The following LRGUK variants were observed in gnomAD, a reference collection of about 807,000 sequenced individuals.
LRGUK encodes the protein leucine rich repeats and guanylate kinase domain containing.
A neutral mutation model predicts 76.0 loss-of-function variants in LRGUK; 65 were observed. That is an observed-to-expected ratio of 0.85 (90% CI 0.70 to 1.05). The LOEUF (loss-of-function observed/expected upper bound fraction) is 1.05. Ranked by LOEUF, LRGUK falls within the 50% of genes least tolerant of loss-of-function variation. The pLI is 0.00. For synonymous variants in LRGUK, 268 were observed against 265.6 expected, an observed-to-expected ratio of 1.01 and a Z score of -0.09; for missense variants, 758 against 732.8, an observed-to-expected ratio of 1.03 and a Z score of -0.40.
intron 18 of LRGUK, 79 bp from the exon 19 acceptor site, chr7:134,258,178 G>A (rs911510345): frequency 1.9e-6 from 3 of 1,559,840 alleles, no homozygotes; most frequent in Non-Finnish European, 8.8e-7. Flanking sequence ...ACCCAGTGAA[G>A]TCATAGGCAT....
In LRGUK at chr7:134,163,379, T is replaced by C; in HGVS notation, c.796-18T>C. 1 of 1,594,228 alleles carries C rather than the reference T, an allele frequency of 6.3e-7. No homozygotes were observed. Among genetic ancestry groups the C allele is most frequent in the Admixed American group, 1.7e-5 (1 of 58,490 alleles). ...TGAGAGGTCTTTGAGACATTAAATA[T>C]ATTTTTTTCTGTTTTAGAGCAATAA... On this transcript the variant is annotated intron_variant, in intron 6 of 15. Coordinates refer to ENST00000645682, the Ensembl canonical transcript of LRGUK.
chr7:134,179,918 G>A (rs895130664), intron 10 of LRGUK, among the ~76,000 whole-genome samples: 9 of 152,186 alleles, frequency 5.9e-5, no homozygotes, highest in Admixed American at 5.9e-4. Context: ...TCAGGATCCA[G>A]GAGAGGAACC....
chr7:134,224,283 G>T (rs1801678278), intron 16 of LRGUK, among the ~76,000 whole-genome samples: 2 of 152,224 alleles, frequency 1.3e-5, no homozygotes, highest in South Asian at 2.1e-4. Context: ...CCATTTCCCA[G>T]GTGGGCTGTC....
intron 16 of LRGUK, among the ~76,000 whole-genome samples, chr7:134,239,703 G>A (rs968031754): frequency 6.6e-6 from 1 of 152,190 alleles, no homozygotes; most frequent in African/African-American, 2.4e-5. Flanking sequence ...AGAGAGTAGT[G>A]GTTTTCCCAG....
Position 134,206,590 on chromosome 7 carries a change from A to G in LRGUK, c.1844-2117A>G, listed in dbSNP as rs180867067. On this transcript the variant is annotated intron_variant, in intron 15 of 15. Transcript: ENST00000645682. ...TATATGTGTGTATGTGTGTGTGTGT[A>G]TATATATATAGAATTGTCTTATTTT... is the stretch of plus-strand genomic sequence containing the variant. 3.7e-3 allele frequency among the ~76,000 whole-genome samples: 558 copies of G among 150,684 alleles called. 1 individual carries two copies. The highest frequency in any genetic ancestry group is 0.013 in the African/African-American group (520 of 41,282).
downstream of LRGUK, among the ~76,000 whole-genome samples, chr7:134,212,106 C>G (rs4732008): frequency 0.26 from 39,516 of 152,206 alleles, 6,426 homozygotes; most frequent in Admixed American, 0.41. Flanking sequence ...GAAGCTCCCA[C>G]TACTGTAAAG....
chr7:134,130,293 C>A (rs1057347346), intron 1 of LRGUK, among the ~76,000 whole-genome samples: 2 of 152,066 alleles, frequency 1.3e-5, no homozygotes, highest in Non-Finnish European at 2.9e-5. Flanking sequence ...AGCTTCCCCC[C>A]CCCCCCAGAG....
intron 16 of LRGUK, among the ~76,000 whole-genome samples, chr7:134,236,945 T>C (rs1161278829): frequency 1.3e-5 from 2 of 152,224 alleles, no homozygotes; most frequent in Non-Finnish European, 2.9e-5. Flanking sequence ...TTTGTAATTC[T>C]ATCATTTCAT....
At chr7:134,163,929 T>C (rs938523174) in intron 7 of LRGUK, among the ~76,000 whole-genome samples, 1 of 152,158 alleles carries the variant, frequency 6.6e-6, no homozygotes, top group Non-Finnish European at 1.5e-5. Flanking sequence ...ATCTGCCATT[T>C]AAAGAAAAGT....
intron 8 of LRGUK, among the ~76,000 whole-genome samples, chr7:134,174,954 G>A (rs182021298): frequency 8.5e-5 from 13 of 152,266 alleles, no homozygotes; most frequent in Non-Finnish European, 1.0e-4. Context: ...GTTACAGGAA[G>A]GAGGTAATAA....
chr7:134,237,432 T>G (rs1802043746), intron 16 of LRGUK, among the ~76,000 whole-genome samples: 1 of 152,176 alleles, frequency 6.6e-6, no homozygotes, highest in Non-Finnish European at 1.5e-5. Context: ...TCATTTATGG[T>G]CATTATGATC....
At chr7:134,191,279 G>GGA (rs1225047534) in intron 11 of LRGUK, among the ~76,000 whole-genome samples, 1 of 152,214 alleles carries the variant, frequency 6.6e-6, no homozygotes, top group Admixed American at 6.5e-5. Context: ...CCAGGTGGAA[G>GGA]GAGAGAAGGA....
chr7:134,183,802 G>A lies in LRGUK; in HGVS notation c.1283G>A (p.Arg428Gln), dbSNP rs375333042. 3.1e-6 allele frequency: 5 copies of A among 1,613,996 alleles called. No individual in the cohort carries two copies. Among genetic ancestry groups the A allele is most frequent in the African/African-American group, 2.7e-5 (2 of 74,908 alleles). ...GCTGGTCCTGAAGCTTGTGGGAAACGAGAGCTTGCCCATCGCCTCTGCAGA... is the reference window on the plus strand; with the variant it reads ...GCTGGTCCTGAAGCTTGTGGGAAACAAGAGCTTGCCCATCGCCTCTGCAGA... The change falls in exon 11 of 16, where the codon CGA becomes CAA. Residue 428 changes from arginine (R) to glutamine (Q), a missense_variant. Transcript: ENST00000645682.
At chr7:134,236,878 T>C (rs538841249) in intron 16 of LRGUK, among the ~76,000 whole-genome samples, 1 of 152,288 alleles carries the variant, frequency 6.6e-6, no homozygotes, top group Non-Finnish European at 1.5e-5. Flanking sequence ...TGTTATTATA[T>C]TAGCTGTTGT....
chr7:134,164,372 A>C (rs1798884178), intron 7 of LRGUK, among the ~76,000 whole-genome samples: 1 of 152,170 alleles, frequency 6.6e-6, no homozygotes, highest in Admixed American at 6.5e-5. Context: ...TGGCTTGGGG[A>C]CTGGGTTTAC....
intron 12 of LRGUK, among the ~76,000 whole-genome samples, chr7:134,196,583 T>G (rs931449899): frequency 2.6e-5 from 4 of 152,204 alleles, no homozygotes; most frequent in African/African-American, 9.7e-5. Context: ...ATGGAAGGCT[T>G]TTCTGGGTTG....
chr7:134,158,042 GAT>G lies in LRGUK; in HGVS notation c.680_681del (p.Ile227ArgfsTer16). 2.5e-6 allele frequency: 4 copies of G among 1,611,800 alleles called. No homozygotes were observed. The highest frequency in any genetic ancestry group is 3.4e-6 in the Non-Finnish European group (4 of 1,178,386). ...CGTAGTCATGGTGTATAGGCAATGAGATAGAAGAAATCAGTGGACTAGAGATG... is the reference window on the plus strand; with the variant it reads ...CGTAGTCATGGTGTATAGGCAATGAGAGAAGAAATCAGTGGACTAGAGATG... On this transcript the variant is annotated frameshift_variant, in exon 6 of 16. Transcript: ENST00000645682. LOFTEE classifies it high-confidence loss of function.
chr7:134,208,752 T>G (rs1480185748), exon 16 of LRGUK: 2 of 398,928 alleles, frequency 5.0e-6, no homozygotes, highest in African/African-American at 2.1e-5. Context: ...CCAGCACACC[T>G]GGTTCCATCT....
intron 16 of LRGUK, among the ~76,000 whole-genome samples, chr7:134,235,090 A>T (rs1469136670): frequency 6.6e-6 from 1 of 152,176 alleles, no homozygotes; most frequent in East Asian, 1.9e-4. Flanking sequence ...CCCTGCCCCT[A>T]TAGGCTATTT....
Sources: allele counts gnomAD v4.1 joint callset (sites outside exome capture counted in the v4.1 genomes callset), GRCh38; gene constraint gnomAD v4.1.1; transcripts MANE v1.5; gene names NCBI Gene and HGNC (gene_info 2026-07-23, HGNC 2026-07-21).